CD38: variants seen among roughly 807,000 people sequenced by gnomAD.
The protein encoded by CD38 is ADP-ribosyl cyclase/cyclic ADP-ribose hydrolase 1.
A neutral mutation model predicts 36.3 loss-of-function variants in CD38; 31 were observed. That is an observed-to-expected ratio of 0.85 (90% CI 0.64 to 1.15). The LOEUF (loss-of-function observed/expected upper bound fraction) is 1.15, where lower values mean the gene tolerates loss of function less well. Among genes scored for constraint, CD38 ranks in the 50% most tolerant of loss-of-function variants. CD38 has a pLI of 0.00. For missense variants in CD38, 380 were observed against 371.9 expected (o/e 1.02, Z -0.18); for synonymous variants, 131 against 135.2 (o/e 0.97, Z 0.22).
chr4:15,813,587 C>T (rs1310362356), intron 1 of CD38, among the ~76,000 whole-genome samples: 1 of 152,082 alleles, frequency 6.6e-6, no homozygotes, highest in Non-Finnish European at 1.5e-5. Context: ...CTAATACTCT[C>T]CCTCCCCTTG....
intron 3 of CD38, chr4:15,825,663 C>T (rs1239782265): frequency 6.6e-6 from 1 of 152,216 alleles, no homozygotes; most frequent in East Asian, 1.9e-4. Context: ...TCCCTAATTC[C>T]CTTCTTTTGA....
intron 1 of CD38, among the ~76,000 whole-genome samples, chr4:15,800,541 C>T (rs1405936729): frequency 4.6e-5 from 7 of 152,118 alleles, no homozygotes; most frequent in Non-Finnish European, 8.8e-5. Context: ...GTTTGCATTT[C>T]CCCCATGACT....
At chr4:15,825,199 A>T in intron 3 of CD38, 183 bp downstream of exon 3, 1 of 573,650 alleles carries the variant, frequency 1.7e-6, no homozygotes, top group East Asian at 2.9e-5. Flanking sequence ...CGTAATTTAT[A>T]AAGAAAAGAG....
chr4:15,847,561 AAAAAAAT>A (rs1467198567), intron 7 of CD38, among the ~76,000 whole-genome samples: 1 of 115,480 alleles, frequency 8.7e-6, no homozygotes, highest in African/African-American at 3.7e-5. Flanking sequence ...GAGTATAATA[AAAAAAAT>A]AAAAAATAAA....
At chr4:15,787,118 G>T (rs897089510) in intron 1 of CD38, among the ~76,000 whole-genome samples, 2 of 152,240 alleles carry the variant, frequency 1.3e-5, no homozygotes, top group African/African-American at 4.8e-5. Context: ...AGAGGGAGCC[G>T]ACTCCGGCCT....
Position 15,824,926 on chromosome 4 carries a change from CA to C in CD38, c.410del (p.Gln137ArgfsTer14), listed in dbSNP as rs1286353859. 15 of 1,613,568 alleles carry C rather than the reference CA, an allele frequency of 9.3e-6. No homozygotes were observed. In the Admixed American group the frequency reaches 2.2e-4, roughly 23 times the overall value. ...RIKDLAHQFT[Q>X]VQRDMFTLED... The stretch of plus-strand genomic sequence containing the variant: ...AAAAGATCTGGCCCATCAGTTCACA[CA>C]GGTCCAGCGGGACATGTTCACCCTG... On this transcript the variant is annotated frameshift_variant, in exon 3 of 8. Coordinates refer to ENST00000226279, the MANE Select transcript of CD38 (RefSeq NM_001775.4). LOFTEE classifies it high-confidence loss of function.
At chr4:15,802,589 C>G (rs1406528932) in intron 1 of CD38, among the ~76,000 whole-genome samples, 1 of 147,534 alleles carries the variant, frequency 6.8e-6, no homozygotes, top group Non-Finnish European at 1.5e-5. Context: ...GACAGTCTCC[C>G]TCTGTCACAC....
intron 1 of CD38, among the ~76,000 whole-genome samples, chr4:15,801,351 G>C (rs959186500): frequency 6.6e-6 from 1 of 151,822 alleles, no homozygotes; most frequent in Non-Finnish European, 1.5e-5. Context: ...TTTACTGCTG[G>C]ATTCTACCAA....
At chr4:15,809,074 G>T (rs1723407826) in intron 1 of CD38, among the ~76,000 whole-genome samples, 1 of 152,218 alleles carries the variant, frequency 6.6e-6, no homozygotes, top group Non-Finnish European at 1.5e-5. Context: ...TAATAGGTAT[G>T]TGTGAATGAG....
At chr4:15,797,298 G>T (rs892663528) in intron 1 of CD38, among the ~76,000 whole-genome samples, 4 of 152,094 alleles carry the variant, frequency 2.6e-5, no homozygotes, top group Non-Finnish European at 5.9e-5. Context: ...ATAAACTCTG[G>T]TTCTGCAATT....
chr4:15,827,273 G>A (rs1577655353), intron 3 of CD38, among the ~76,000 whole-genome samples: 2 of 151,996 alleles, frequency 1.3e-5, no homozygotes, highest in South Asian at 4.1e-4. Context: ...TCAAGTTGGC[G>A]AATATATTTT....
intron 1 of CD38, among the ~76,000 whole-genome samples, chr4:15,799,966 C>T (rs1270038673): frequency 6.6e-6 from 1 of 152,158 alleles, no homozygotes; most frequent in Non-Finnish European, 1.5e-5. Flanking sequence ...CGTTAATAAA[C>T]ACATTATTTT....
chr4:15,823,484 A>C (rs1723783057), intron 2 of CD38, among the ~76,000 whole-genome samples: 1 of 152,190 alleles, frequency 6.6e-6, no homozygotes. Flanking sequence ...CAAGAAAAAA[A>C]TAAACAGCCC....
intron 1 of CD38, among the ~76,000 whole-genome samples, chr4:15,792,156 G>A (rs1309489691): frequency 1.3e-5 from 1 of 78,358 alleles, no homozygotes; most frequent in Non-Finnish European, 2.3e-5. Context: ...AACATGTGCT[G>A]TGTCCACTCA....
At chr4:15,784,409 A>C (rs539585988) in intron 1 of CD38, among the ~76,000 whole-genome samples, 57 of 152,298 alleles carry the variant, frequency 3.7e-4, no homozygotes, top group African/African-American at 1.4e-3. Context: ...CGGTCAGGTA[A>C]GATGCTACTG....
Position 15,834,257 on chromosome 4 carries a change from C to T in CD38, c.540C>T (p.Cys180=). Residue 180 remains cysteine, a synonymous_variant, in exon 4 of 8, where the codon TGC becomes TGT. Coordinates refer to ENST00000226279, the MANE Select transcript of CD38 (RefSeq NM_001775.4). ...YQSCPDWRKD[C]SNNPVSVFWK... ...CTTGCCCAGACTGGAGAAAGGACTG[C>T]AGCAACAACCCTGTTTCAGTATTCT... is the stretch of plus-strand genomic sequence containing the variant. The T allele has an allele frequency of 5.0e-6, 8 of 1,612,898 alleles. No homozygotes were observed. Among genetic ancestry groups the T allele is most frequent in the Non-Finnish European group, 6.8e-6 (8 of 1,178,844 alleles).
intron 5 of CD38, 56 bp from the exon 6 acceptor site, chr4:15,839,970 T>A: frequency 8.8e-7 from 1 of 1,132,158 alleles, no homozygotes; most frequent in Non-Finnish European, 1.4e-6. Flanking sequence ...TTGAGGGGGG[T>A]GTGGATGCTT....
At chr4:15,787,066 G>A (rs938674089) in intron 1 of CD38, among the ~76,000 whole-genome samples, 1 of 152,142 alleles carries the variant, frequency 6.6e-6, no homozygotes, top group African/African-American at 2.4e-5. Context: ...TGGAACTCGC[G>A]CTGGCCCACG....
chr4:15,795,826 G>A (rs985197239), intron 1 of CD38, among the ~76,000 whole-genome samples: 3 of 152,082 alleles, frequency 2.0e-5, no homozygotes, highest in Admixed American at 6.6e-5. Context: ...TGGATGTTTT[G>A]AAGCAATTAG....
Sources: allele counts gnomAD v4.1 joint callset (sites outside exome capture counted in the v4.1 genomes callset), GRCh38; gene constraint gnomAD v4.1.1; transcripts MANE v1.5; gene names NCBI Gene and HGNC (gene_info 2026-07-23, HGNC 2026-07-21).